Variants in AKT2 observed in about 807,000 individuals in gnomAD.
AKT2 encodes the protein AKT serine/threonine kinase 2.
Under a neutral mutation model 58.6 loss-of-function variants are expected in AKT2, and 16 were observed. That is an observed-to-expected ratio of 0.27 (90% confidence interval 0.18 to 0.41). The LOEUF is 0.41. AKT2 is among the 10% of genes least tolerant of loss of function. The probability of loss-of-function intolerance (pLI) is 1.00; values close to 1 mark genes in which losing one functional copy is unlikely to be tolerated. For synonymous variants in AKT2, 253 were observed against 254.0 expected (o/e 1.00, Z 0.04); for missense variants, 438 against 661.0 (o/e 0.66, Z 3.70).
intron 2 of AKT2, among the ~76,000 whole-genome samples, chr19:40,262,014 C>T (rs888208850): frequency 3.3e-5 from 5 of 151,450 alleles, no homozygotes; most frequent in East Asian, 1.9e-4. Context: ...TTCCGGGGAC[C>T]GTCTTATTCT....
Position 40,231,427 on chromosome 19 carries a change from C to CTT in AKT2, c.*2443_*2444dup, listed in dbSNP as rs1973696785. The stretch of plus-strand genomic sequence containing the variant: ...TGTAATTAAATTAAGGTCCACATGA[C>CTT]TTTAGAAAGACAAACTAAAAAACCC... On this transcript the variant is annotated 3_prime_UTR_variant, in exon 14 of 14. Coordinates refer to ENST00000392038, the MANE Select transcript of AKT2 (RefSeq NM_001626.6). The CTT allele has an allele frequency of 4.3e-6, 1 of 233,186 alleles. No individual in the cohort carries two copies. The highest frequency in any genetic ancestry group is 8.5e-6 in the Non-Finnish European group (1 of 118,054). The allele number at this position is 233,186 out of a possible 1,614,324, so 14.4% of individuals were successfully genotyped here. A position where few individuals can be genotyped will look rare whatever the true frequency, so the allele number is the denominator to read the frequency against.
At chr19:40,273,402 T>C (rs1167760502) in intron 1 of AKT2, 1 of 151,242 alleles carries the variant, frequency 6.6e-6, no homozygotes, top group Non-Finnish European at 1.5e-5. Flanking sequence ...CTTCACTTTC[T>C]ATACTGTATG....
rs776161532 is a variant in AKT2, at chr19:40,242,637, C to T, written c.338G>A (p.Arg113Gln). Residue 113 changes from arginine to glutamine, a missense_variant, in exon 5 of 14, where the codon CGG (arginine) becomes CAG (glutamine). Physicochemically the swap from Arg to Gln is conservative, Grantham distance 43. This residue lies in a region of AKT2 where 244 missense variants were observed against 347.1 expected (regional missense o/e 0.70). Coordinates refer to ENST00000392038, the MANE Select transcript of AKT2 (RefSeq NM_001626.6). The surrounding 1 kb of genome is among the most constrained non-coding windows in gnomAD (Gnocchi z 4.3). ...GTCCATGGGGTCCTCGCCTGGGGCC[C>T]GCTGCTTGAGGCTGTTGGCGACCAT... ...IQMVANSLKQ[R>Q]APGEDPMDYK... 1 of 1,613,400 alleles carries T rather than the reference C, an allele frequency of 6.2e-7. No individual in the cohort carries two copies. Among genetic ancestry groups the T allele is most frequent in the South Asian group, 1.1e-5 (1 of 91,080 alleles).
rs1182757697 is a variant in AKT2, at chr19:40,237,910, T to G, written c.831+59A>C. ...CAGAAGCTCAGCCCAACTTCCCCAG[T>G]GTGAGTCCCATGTGGTGTGCATGCC... On this transcript the variant is annotated intron_variant, in intron 9 of 13. Transcript: ENST00000392038. The surrounding 1 kb of genome is among the most constrained non-coding windows in gnomAD (Gnocchi z 4.5). 11 of 1,604,618 alleles carry G rather than the reference T, an allele frequency of 6.9e-6. No homozygotes were observed. In the East Asian group the frequency reaches 2.2e-4, roughly 33 times the overall value.
intron 1 of AKT2, among the ~76,000 whole-genome samples, chr19:40,272,035 T>TA (rs1384320397): frequency 1.3e-5 from 2 of 152,350 alleles, no homozygotes; most frequent in East Asian, 3.9e-4. Context: ...AAGGCTCACA[T>TA]AGCCCATACC....
intron 4 of AKT2, among the ~76,000 whole-genome samples, chr19:40,252,231 G>A (rs1252379777): frequency 6.6e-6 from 1 of 152,282 alleles, no homozygotes; most frequent in East Asian, 1.9e-4. Flanking sequence ...AGTGGAGGGG[G>A]CCTCCCTCTT....
chr19:40,274,572 CG>C (rs1464075207), intron 1 of AKT2: 1 of 164,020 alleles, frequency 6.1e-6, no homozygotes, highest in African/African-American at 2.4e-5. Flanking sequence ...AAGGAGCACA[CG>C]GAAGATTCAG....
chr19:40,274,784 G>A, intron 1 of AKT2: 1 of 333,848 alleles, frequency 3.0e-6, no homozygotes. Flanking sequence ...AGGGCCGGGA[G>A]ATGTAGCTAG....
At position 40,233,350 on chromosome 19, in the gene AKT2, T is replaced by C. The variant is rs1052715697; in HGVS notation, c.*522A>G. On this transcript the variant is annotated 3_prime_UTR_variant, in exon 14 of 14. Transcript: ENST00000392038. The surrounding 1 kb of genome is among the most constrained non-coding windows in gnomAD (Gnocchi z 4.3). ...GGCCCCTGCCTGCCCCTGGACATTA[T>C]TGCTTTTCTGCCCCCATAGGGGGAC... The C allele has an allele frequency of 1.5e-5, 6 of 407,528 alleles. No individual in the cohort carries two copies. The highest frequency in any genetic ancestry group is 7.3e-5 in the South Asian group (3 of 41,218). 25.2% of individuals were successfully genotyped at this position (407,528 alleles called of 1,614,324 possible). A position where few individuals can be genotyped will look rare whatever the true frequency, so the allele number is the denominator to read the frequency against.
chr19:40,241,703 C>G lies in AKT2; in HGVS notation c.573+235G>C, dbSNP rs370415806. 73 of 595,634 alleles carry G rather than the reference C, an allele frequency of 1.2e-4. No homozygotes were observed. In the African/African-American group the frequency reaches 1.3e-3, roughly 10 times the overall value. 36.9% of individuals were successfully genotyped at this position (595,634 alleles called of 1,614,324 possible). A position where few individuals can be genotyped will look rare whatever the true frequency, so the allele number is the denominator to read the frequency against. On this transcript the variant is annotated intron_variant, in intron 6 of 13. Transcript: ENST00000392038. ...GTACCTGCTGGGTGGGGCCCCGAGGCTCTCTCTCTCCACAGGCACCCCCAG... is the reference window on the plus strand; with the variant it reads ...GTACCTGCTGGGTGGGGCCCCGAGGGTCTCTCTCTCCACAGGCACCCCCAG...
chr19:40,263,799 C>T (rs1976138506), intron 2 of AKT2, among the ~76,000 whole-genome samples: 1 of 152,190 alleles, frequency 6.6e-6, no homozygotes, highest in Non-Finnish European at 1.5e-5. Flanking sequence ...GCGCCAGCTT[C>T]CTGCCCCCTC....
chr19:40,230,544 C>T lies in AKT2; in HGVS notation c.*3328G>A, dbSNP rs1400623490. 1 of 227,296 alleles carries T rather than the reference C, an allele frequency of 4.4e-6. No individual in the cohort carries two copies. Among genetic ancestry groups the T allele is most frequent in the Non-Finnish European group, 8.7e-6 (1 of 114,426 alleles). The allele number at this position is 227,296 out of a possible 1,614,324, so 14.1% of individuals were successfully genotyped here. On this transcript the variant is annotated 3_prime_UTR_variant, in exon 14 of 14. Coordinates refer to ENST00000392038, the MANE Select transcript of AKT2 (RefSeq NM_001626.6). The stretch of plus-strand genomic sequence containing the variant: ...ACGAGGGCAGCCCCCAGAGGCTTCA[C>T]ATTAACTGGAAAAGATTACACAAAA...
Position 40,242,318 on chromosome 19 carries a change from C to T in AKT2, c.441+216G>A, listed in dbSNP as rs921292441. ...GCCAGGTCTTCACCAACTCCCAGGACGAACCTGCAGTGGGTCCACCCAAGG... is the reference window on the plus strand; with the variant it reads ...GCCAGGTCTTCACCAACTCCCAGGATGAACCTGCAGTGGGTCCACCCAAGG... On this transcript the variant is annotated intron_variant, in intron 5 of 13. Transcript: ENST00000392038. The surrounding 1 kb of genome is among the most constrained non-coding windows in gnomAD (Gnocchi z 4.3). 1.4e-4 allele frequency: 121 copies of T among 878,228 alleles called. No individual in the cohort carries two copies. Among genetic ancestry groups the T allele is most frequent in the Non-Finnish European group, 1.9e-4 (108 of 562,798 alleles). The allele number at this position is 878,228 out of a possible 1,614,324, so 54.4% of individuals were successfully genotyped here. A position where few individuals can be genotyped will look rare whatever the true frequency, so the allele number is the denominator to read the frequency against.
Position 40,233,824 on chromosome 19 carries a change from C to G in AKT2, c.*48G>C, listed in dbSNP as rs2304187. ...GTAAAAAGTTAGGGGGAAAAAACCA[C>G]CCAGCGGTGATGGCAGCGAGCGTGC... On this transcript the variant is annotated 3_prime_UTR_variant, in exon 14 of 14. Transcript: ENST00000392038. The surrounding 1 kb of genome is among the most constrained non-coding windows in gnomAD (Gnocchi z 4.3). The G allele has an allele frequency of 8.5e-4, 1,360 of 1,593,442 alleles. 16 individuals are homozygous for G. The Admixed American group carries it at 0.016, about 19-fold the overall frequency.
At chr19:40,251,643 A>C (rs762863234) in intron 4 of AKT2, among the ~76,000 whole-genome samples, 5 of 152,264 alleles carry the variant, frequency 3.3e-5, no homozygotes, top group African/African-American at 9.6e-5. Context: ...AGTCAAAGAG[A>C]CATGTACCTT....
intron 1 of AKT2, among the ~76,000 whole-genome samples, chr19:40,272,896 T>C (rs1031170729): frequency 1.3e-5 from 2 of 152,194 alleles, no homozygotes; most frequent in Non-Finnish European, 2.9e-5. Flanking sequence ...CACCAAGTCA[T>C]GTTCCCTTTC....
At chr19:40,264,185 G>C (rs920076380) in intron 2 of AKT2, among the ~76,000 whole-genome samples, 1 of 152,180 alleles carries the variant, frequency 6.6e-6, no homozygotes, top group East Asian at 1.9e-4. Flanking sequence ...ACACAGGGCA[G>C]CCAACCGCCA....
chr19:40,269,837 C>T (rs919934788), intron 1 of AKT2, among the ~76,000 whole-genome samples: 13 of 152,196 alleles, frequency 8.5e-5, no homozygotes, highest in Admixed American at 3.3e-4. Context: ...ACTCTGCCCA[C>T]GCCCCTCCTG....
rs748551877 is a variant in AKT2, at chr19:40,276,345, CTTTTTTTT to C, written c.-85+8828_-85+8835del. Among the ~76,000 whole-genome samples the C allele has an allele frequency of 2.9e-3, 169 of 58,454 alleles. 12 individuals are homozygous for C. The highest frequency in any genetic ancestry group is 9.3e-3 in the South Asian group (13 of 1,392). The allele number at this position is 58,454 out of a possible 152,430, so 38.3% of individuals were successfully genotyped here. On this transcript the variant is annotated intron_variant, in intron 1 of 13. Transcript: ENST00000392038. The stretch of plus-strand genomic sequence containing the variant: ...AGCTTCCGCATCTGTAAAATGGAAT[CTTTTTTTT>C]TTTTTTTTTTTTTTTTTTTTTTTTT...
Sources: gnomAD v4.1 joint callset for allele counts (sites outside exome capture counted in the v4.1 genomes callset) on GRCh38, gnomAD v4.1.1 for gene constraint, gnomAD v4.1.1 regional missense constraint, Gnocchi (gnomAD v3.1) non-coding constraint, MANE v1.5 for transcripts, NCBI Gene and HGNC (gene_info 2026-07-23, HGNC 2026-07-21) for gene names.